TSNARE1: variants seen among roughly 807,000 people sequenced by gnomAD.
The protein encoded by TSNARE1 is t-SNARE domain containing 1, also known as t-SNARE domain-containing protein 1.
In TSNARE1, 49 loss-of-function variants were observed where a neutral mutation model predicts 62.0. That is an observed-to-expected ratio of 0.79 (90% confidence interval 0.63 to 1.00). The LOEUF (loss-of-function observed/expected upper bound fraction) is 1.00. Among genes scored for constraint, TSNARE1 ranks in the 50% least tolerant of loss-of-function variants. The pLI is 0.00. For missense variants in TSNARE1, 755 were observed against 700.1 expected, an observed-to-expected ratio of 1.08 and a Z score of -0.88; for synonymous variants, 328 against 294.4, an observed-to-expected ratio of 1.11 and a Z score of -1.17.
chr8:142,365,057 A>G (rs2130931505), intron 1 of TSNARE1, among the ~76,000 whole-genome samples: 1 of 152,366 alleles, frequency 6.6e-6, no homozygotes, highest in South Asian at 2.1e-4. Flanking sequence ...TTAAAAATGT[A>G]AGAAAATAAC....
At chr8:142,376,685 A>T (rs1490451641) in intron 1 of TSNARE1, among the ~76,000 whole-genome samples, 1 of 152,092 alleles carries the variant, frequency 6.6e-6, no homozygotes. Context: ...TGGCCTGGAG[A>T]AGGTGTCAGG....
chr8:142,337,525 C>T (rs1831918979), intron 4 of TSNARE1, among the ~76,000 whole-genome samples: 1 of 152,236 alleles, frequency 6.6e-6, no homozygotes, highest in South Asian at 2.1e-4. Context: ...CGCAACCGTG[C>T]TTTCTAGAAA....
intron 9 of TSNARE1, among the ~76,000 whole-genome samples, chr8:142,302,963 C>T (rs540402345): frequency 1.3e-5 from 2 of 152,210 alleles, no homozygotes; most frequent in East Asian, 1.9e-4. Context: ...AGCATGGAGG[C>T]ACTAGGGGTA....
intron 6 of TSNARE1, among the ~76,000 whole-genome samples, chr8:142,327,200 G>A (rs1393337382): frequency 6.6e-6 from 1 of 152,222 alleles, no homozygotes; most frequent in African/African-American, 2.4e-5. Flanking sequence ...TGGTCAAAAT[G>A]AAGTCACCCA....
intron 12 of TSNARE1, among the ~76,000 whole-genome samples, chr8:142,230,934 A>G (rs934528832): frequency 1.3e-5 from 2 of 149,028 alleles, no homozygotes; most frequent in Non-Finnish European, 1.5e-5. Context: ...CCATCCATCC[A>G]TCCGTCCACC....
intron 2 of TSNARE1, among the ~76,000 whole-genome samples, chr8:142,348,162 G>A (rs1833624165): frequency 6.6e-6 from 1 of 152,168 alleles, no homozygotes. Flanking sequence ...ATTAACCCTG[G>A]AGGTGGGCGG....
chr8:142,329,840 T>TA (rs199786543), intron 6 of TSNARE1, among the ~76,000 whole-genome samples: 7 of 151,124 alleles, frequency 4.6e-5, no homozygotes, highest in Non-Finnish European at 1.0e-4. Context: ...TAAAAGAGCT[T>TA]AAAAAAAAAG....
intron 12 of TSNARE1, among the ~76,000 whole-genome samples, chr8:142,240,866 A>G (rs1817642336): frequency 6.6e-6 from 1 of 152,240 alleles, no homozygotes; most frequent in African/African-American, 2.4e-5. Context: ...TATAGGCTCT[A>G]GATGCTTATG....
chr8:142,312,894 G>C (rs1739249720), intron 9 of TSNARE1, among the ~76,000 whole-genome samples: 2 of 152,248 alleles, frequency 1.3e-5, no homozygotes, highest in African/African-American at 4.8e-5. Flanking sequence ...TGAGAAGGCA[G>C]TGATGATGAG....
At position 142,331,807 on chromosome 8, in the gene TSNARE1, A is replaced by C. The variant is rs1412054443; in HGVS notation, c.770T>G (p.Leu257Arg). The change falls in exon 5 of 14, where the codon CTC (leucine) becomes CGC (arginine). Residue 257 changes from leucine (L) to arginine (R), a missense_variant. Leu to Arg is a moderately radical substitution (Grantham distance 102). Coordinates refer to ENST00000524325, the MANE Select transcript of TSNARE1 (RefSeq NM_145003.5). ...PRATQVDPCN[L>R]QELFQEMSAN... ...CGACATCTCCTGGAACAGCTCCTGG[A>C]GGTTGCACGGATCGACCTGGGTGGC... 3 of 1,609,178 alleles carry C rather than the reference A, an allele frequency of 1.9e-6. No individual in the cohort carries two copies. The South Asian group carries it at 3.3e-5, about 18-fold the overall frequency.
At chr8:142,398,798 T>C (rs546507241) in intron 1 of TSNARE1, among the ~76,000 whole-genome samples, 3 of 152,148 alleles carry the variant, frequency 2.0e-5, no homozygotes, top group South Asian at 2.1e-4. Flanking sequence ...GAACACCCAG[T>C]AGACTGTCCT....
intron 13 of TSNARE1, among the ~76,000 whole-genome samples, chr8:142,222,102 C>CCTT (rs1554623953): frequency 0.9 from 111,940 of 124,606 alleles, 50,570 homozygotes; most frequent in Non-Finnish European, 0.91. Context: ...CTCATCCACT[C>CCTT]CACTCACTCA....
chr8:142,237,746 A>T (rs1817503052), intron 12 of TSNARE1, among the ~76,000 whole-genome samples: 1 of 152,172 alleles, frequency 6.6e-6, no homozygotes, highest in African/African-American at 2.4e-5. Flanking sequence ...TCCCACCAGC[A>T]GGCCCCGGGT....
chr8:142,309,991 G>A (rs554850508), intron 9 of TSNARE1, among the ~76,000 whole-genome samples: 1 of 151,918 alleles, frequency 6.6e-6, no homozygotes, highest in East Asian at 1.9e-4. Flanking sequence ...TCTCCTCTAA[G>A]TTGTCAAATT....
At chr8:142,276,823 CA>C (rs1201608245) in intron 11 of TSNARE1, 4 of 985,322 alleles carry the variant, frequency 4.1e-6, no homozygotes, top group Non-Finnish European at 4.8e-6. Flanking sequence ...AGGGCGGTCC[CA>C]GGGGCATTCT....
intron 12 of TSNARE1, among the ~76,000 whole-genome samples, chr8:142,260,977 G>GAAGAAGGGAAGGAGGAGAGAGGGAA (rs1563786541): frequency 1.0e-4 from 2 of 20,048 alleles, no homozygotes; most frequent in Admixed American, 5.1e-4. Context: ...AGGGAGGGAG[G>GAAGAAGGGAAGGAGGAGAGAGGGAA]GAGGGAGGAG....
chr8:142,265,124 T>TTGTGTGTGTGTGTGTGTGTG (rs35377443), intron 12 of TSNARE1, among the ~76,000 whole-genome samples: 2 of 151,096 alleles, frequency 1.3e-5, no homozygotes, highest in Admixed American at 6.6e-5. Context: ...TCTACTCAGT[T>TTGTGTGTGTGTGTGTGTGTG]TGTGTGTGTG....
chr8:142,354,408 T>A (rs1834520338), intron 2 of TSNARE1, among the ~76,000 whole-genome samples: 1 of 152,176 alleles, frequency 6.6e-6, no homozygotes. Flanking sequence ...ATGCCCAGCA[T>A]GAACTGGGAC....
intron 12 of TSNARE1, chr8:142,270,798 T>C (rs1251495041): frequency 2.0e-6 from 2 of 985,284 alleles, no homozygotes; most frequent in Non-Finnish European, 2.4e-6. Context: ...CCACATGGGG[T>C]TGGAGCCTCC....
Sources: allele counts gnomAD v4.1 joint callset (sites outside exome capture counted in the v4.1 genomes callset), GRCh38; gene constraint gnomAD v4.1.1; transcripts MANE v1.5; gene names NCBI Gene and HGNC (gene_info 2026-07-23, HGNC 2026-07-21).